The following ARHGAP6 variants were observed in gnomAD, a reference collection of about 807,000 sequenced individuals.
The protein encoded by ARHGAP6 is Rho GTPase activating protein 6.
Under a neutral mutation model 55.7 loss-of-function variants are expected in ARHGAP6, and 16 were observed. The ratio of observed to expected loss-of-function variants is 0.29; its 90% CI spans 0.19 to 0.44. ARHGAP6 has a LOEUF of 0.44. ARHGAP6 is among the 20% of genes least tolerant of loss of function. The pLI is 1.00. For missense variants in ARHGAP6, 698 were observed against 808.9 expected (o/e 0.86, Z 1.66); for synonymous variants, 382 against 360.9 (o/e 1.06, Z -0.66).
chrX:11,506,739 C>A (rs1485999362), intron 1 of ARHGAP6, among the ~76,000 whole-genome samples: 1 of 111,356 alleles, frequency 9.0e-6, no homozygotes, highest in East Asian at 2.8e-4. Context: ...ATTTATAATC[C>A]TTTGGGTATA....
chrX:11,351,047 TACACACACACAC>T (rs35026703), intron 1 of ARHGAP6, among the ~76,000 whole-genome samples: 10 of 87,966 alleles, frequency 1.1e-4, no homozygotes, highest in East Asian at 1.1e-3. Context: ...ATATTCAAAT[TACACACACACAC>T]ACACACACAC....
intron 1 of ARHGAP6, among the ~76,000 whole-genome samples, chrX:11,589,775 C>T (rs1437994661): frequency 9.0e-6 from 1 of 111,479 alleles, no homozygotes; most frequent in Non-Finnish European, 1.9e-5. Flanking sequence ...ACGAGCCTTG[C>T]AGAAGAAAAT....
chrX:11,219,350 G>A (rs1347760776), intron 2 of ARHGAP6, among the ~76,000 whole-genome samples: 9 of 102,507 alleles, frequency 8.8e-5, no homozygotes, highest in African/African-American at 2.2e-4. Flanking sequence ...ATAAACATAC[G>A]TGTGCATGTG....
intron 11 of ARHGAP6, 183 bp downstream of exon 11, chrX:11,143,797 C>T: frequency 8.7e-7 from 1 of 1,150,972 alleles, no homozygotes; most frequent in Non-Finnish European, 1.2e-6. Flanking sequence ...CGACTGGGCT[C>T]GCCATACCTT....
At position 11,178,145 on chromosome X, in the gene ARHGAP6, G is replaced by A. The variant is rs150157910; in HGVS notation, c.1584C>T (p.Ile528=). 8.3e-6 allele frequency: 10 copies of A among 1,209,656 alleles called. No individual in the cohort carries two copies. In the African/African-American group the frequency reaches 1.1e-4, roughly 13 times the overall value. The change falls in exon 8 of 13, where the codon ATC becomes ATT. Residue 528 remains isoleucine, a synonymous_variant. Coordinates refer to ENST00000337414, the MANE Select transcript of ARHGAP6 (RefSeq NM_013427.3). ...TLHRLLQFLS[I]VARHADDNIS... is the part of the protein sequence containing the mutation. ...TGTTGTCATCGGCATGCCTGGCCAC[G>A]ATGGAGAGGAACTGTAGCAGGCGGT...
intron 1 of ARHGAP6, among the ~76,000 whole-genome samples, chrX:11,589,767 G>T (rs2051782353): frequency 9.0e-6 from 1 of 111,393 alleles, no homozygotes; most frequent in Non-Finnish European, 1.9e-5. Flanking sequence ...GTCTCATTAC[G>T]AGCCTTGCAG....
intron 1 of ARHGAP6, among the ~76,000 whole-genome samples, chrX:11,355,062 A>C (rs2048915715): frequency 8.9e-6 from 1 of 112,145 alleles, no homozygotes; most frequent in African/African-American, 3.2e-5. Context: ...AGGCAACTTG[A>C]GTTTAATTCT....
At chrX:11,598,402 A>G in intron 1 of ARHGAP6, among the ~76,000 whole-genome samples, 1 of 112,087 alleles carries the variant, frequency 8.9e-6, no homozygotes, top group Non-Finnish European at 1.9e-5. Context: ...CTTTTATTTT[A>G]GATATGGTGG....
chrX:11,234,084 C>T (rs1483516362), intron 2 of ARHGAP6, among the ~76,000 whole-genome samples: 3 of 112,293 alleles, frequency 2.7e-5, no homozygotes, highest in Non-Finnish European at 3.8e-5. Flanking sequence ...AAGGAATTCT[C>T]CATTAAGAGA....
intron 1 of ARHGAP6, among the ~76,000 whole-genome samples, chrX:11,262,591 G>A (rs773048512): frequency 9.0e-6 from 1 of 111,655 alleles, no homozygotes; most frequent in Non-Finnish European, 1.9e-5. Flanking sequence ...TGTTCAAAAT[G>A]TGGTTTGTGG....
rs774219683 is a variant in ARHGAP6, at chrX:11,139,148, G to A, written c.2640C>T (p.Pro880=). The change falls in exon 13 of 13, where the codon CCC becomes CCT. Residue 880 remains proline (P), a synonymous_variant. Coordinates refer to ENST00000337414, the MANE Select transcript of ARHGAP6 (RefSeq NM_013427.3). ...TCCCTGGGCCCGGGTATGGAGGCGG[G>A]GGCCGCTTGTCATCCCTCCCACTCC... ...PHGSGRDDKR[P]PPPYPGPGKP... 3 of 1,204,665 alleles carry A rather than the reference G, an allele frequency of 2.5e-6. No homozygotes were observed. In the East Asian group the frequency reaches 8.9e-5, roughly 36 times the overall value.
intron 1 of ARHGAP6, among the ~76,000 whole-genome samples, chrX:11,430,897 C>T (rs1222654464): frequency 1.8e-5 from 2 of 111,858 alleles, no homozygotes; most frequent in Non-Finnish European, 3.8e-5. Context: ...ACCCCACTGC[C>T]CTTCTGAGTG....
intron 1 of ARHGAP6, among the ~76,000 whole-genome samples, chrX:11,327,353 A>G (rs113598858): frequency 6.1e-4 from 69 of 112,820 alleles, no homozygotes; most frequent in African/African-American, 2.1e-3. Context: ...CAAATAATAC[A>G]AAACAAAACA....
chrX:11,186,160 T>G, intron 5 of ARHGAP6, 76 bp downstream of exon 5: 4 of 944,412 alleles, frequency 4.2e-6, no homozygotes, highest in Non-Finnish European at 5.9e-6. Flanking sequence ...CAAGCAGAAT[T>G]GACATTGGGT....
chrX:11,359,800 G>A lies in ARHGAP6; in HGVS notation c.589-105093C>T, dbSNP rs775729875. On this transcript the variant is annotated intron_variant, in intron 1 of 12. Transcript: ENST00000337414. ...AAAAAGAGAGAAGAATCAAATAGAC[G>A]CAATAAAAAATGATAAAGGGGATAT... is the stretch of plus-strand genomic sequence containing the variant. Among the ~76,000 whole-genome samples the A allele has an allele frequency of 3.8e-4, 42 of 111,429 alleles. No individual in the cohort carries two copies. The East Asian group carries it at 6.5e-3, about 17-fold the overall frequency.
chrX:11,228,731 G>T (rs755107361), intron 2 of ARHGAP6, among the ~76,000 whole-genome samples: 1 of 112,175 alleles, frequency 8.9e-6, no homozygotes, highest in Non-Finnish European at 1.9e-5. Context: ...TGAGACAACT[G>T]CAGTAAGAGT....
At chrX:11,225,647 C>A in intron 2 of ARHGAP6, 2 of 519,254 alleles carry the variant, frequency 3.9e-6, no homozygotes, top group East Asian at 4.3e-5. Context: ...ATTTTAATCA[C>A]TTTTTAGTTT....
chrX:11,573,564 T>TAACCAAA (rs1439709453), intron 1 of ARHGAP6, among the ~76,000 whole-genome samples: 5 of 110,391 alleles, frequency 4.5e-5, no homozygotes, highest in Non-Finnish European at 9.5e-5. Context: ...TTGGTACCAG[T>TAACCAAA]ACCATGCTGT....
chrX:11,294,242 G>C (rs753353107), intron 1 of ARHGAP6, among the ~76,000 whole-genome samples: 54 of 112,180 alleles, frequency 4.8e-4, no homozygotes, highest in Non-Finnish European at 9.4e-4. Context: ...CTGAAGTTCT[G>C]TAGATAGGAA....
Sources: allele counts gnomAD v4.1 joint callset (sites outside exome capture counted in the v4.1 genomes callset), GRCh38; gene constraint gnomAD v4.1.1; transcripts MANE v1.5; gene names NCBI Gene and HGNC (gene_info 2026-07-23, HGNC 2026-07-21).